The following SLC25A21 variants were observed in gnomAD, a reference collection of about 807,000 sequenced individuals.
SLC25A21 encodes the protein solute carrier family 25 member 21, also known as mitochondrial 2-oxodicarboxylate carrier.
A neutral mutation model predicts 43.8 loss-of-function variants in SLC25A21; 47 were observed. That is an observed-to-expected ratio of 1.07 (90% CI 0.85 to 1.37). The LOEUF is 1.37. SLC25A21 is among the 40% of genes most tolerant of loss of function. The probability of loss-of-function intolerance (pLI) is 0.00; values close to 1 mark genes in which losing one functional copy is unlikely to be tolerated. For synonymous variants in SLC25A21, 131 were observed against 121.3 expected (o/e 1.08, Z -0.52); for missense variants, 352 against 350.2 (o/e 1.00, Z -0.04).
chr14:36,940,511 T>C (rs1892530013), intron 1 of SLC25A21, among the ~76,000 whole-genome samples: 1 of 152,102 alleles, frequency 6.6e-6, no homozygotes, highest in Non-Finnish European at 1.5e-5. Flanking sequence ...AAAAAAGTGA[T>C]GTGTTGCCAG....
chr14:36,997,291 G>A (rs932615970), intron 1 of SLC25A21, among the ~76,000 whole-genome samples: 2 of 152,034 alleles, frequency 1.3e-5, no homozygotes, highest in Admixed American at 6.6e-5. Flanking sequence ...CTATGCTCCC[G>A]CGGAGCTATA....
At chr14:36,732,076 C>T (rs957438504) in intron 4 of SLC25A21, among the ~76,000 whole-genome samples, 2 of 152,278 alleles carry the variant, frequency 1.3e-5, no homozygotes, top group Admixed American at 1.3e-4. Context: ...TCTATCTCCA[C>T]CAGGAGTGGA....
At chr14:36,698,702 G>C (rs959978782) in intron 7 of SLC25A21, among the ~76,000 whole-genome samples, 1 of 151,804 alleles carries the variant, frequency 6.6e-6, no homozygotes, top group Admixed American at 6.6e-5. Flanking sequence ...CCACTTGATC[G>C]AATTGGCTAT....
intron 1 of SLC25A21, among the ~76,000 whole-genome samples, chr14:36,904,861 T>C (rs981464388): frequency 2.6e-5 from 4 of 152,142 alleles, no homozygotes; most frequent in Non-Finnish European, 5.9e-5. Context: ...GGGATTACAG[T>C]TCAAGATGAG....
At chr14:36,928,083 A>T (rs1388732012) in intron 1 of SLC25A21, among the ~76,000 whole-genome samples, 1 of 152,208 alleles carries the variant, frequency 6.6e-6, no homozygotes, top group African/African-American at 2.4e-5. Flanking sequence ...TTGGAGGCAC[A>T]GTAGAAGTCA....
rs549725948 is a variant in SLC25A21, at chr14:36,813,142, G to A, written c.203+776C>T. Among the ~76,000 whole-genome samples, 32 of 152,082 alleles carry A rather than the reference G, an allele frequency of 2.1e-4. 1 individual carries two copies. In the South Asian group the frequency reaches 6.5e-3, roughly 31 times the overall value. On this transcript the variant is annotated intron_variant, in intron 3 of 9. Coordinates refer to ENST00000331299, the MANE Select transcript of SLC25A21 (RefSeq NM_030631.4). Reference sequence around the variant, plus strand: ...CAGAACGTGCAGGTTTGTTACACATGCCATGGTGGTTTGCTGCACCCATCA... The same window carrying A: ...CAGAACGTGCAGGTTTGTTACACATACCATGGTGGTTTGCTGCACCCATCA...
intron 3 of SLC25A21, among the ~76,000 whole-genome samples, chr14:36,754,677 A>T (rs1885856615): frequency 6.6e-6 from 1 of 152,172 alleles, no homozygotes; most frequent in African/African-American, 2.4e-5. Flanking sequence ...CACTTGAAAG[A>T]ATTTCCAGAA....
intron 1 of SLC25A21, among the ~76,000 whole-genome samples, chr14:37,008,529 A>G (rs544936259): frequency 4.4e-4 from 67 of 152,306 alleles, no homozygotes; most frequent in African/African-American, 1.6e-3. Context: ...CTCCTCTATA[A>G]TAAATATTCA....
chr14:37,102,005 CAT>C (rs911982625), intron 1 of SLC25A21, among the ~76,000 whole-genome samples: 10 of 152,114 alleles, frequency 6.6e-5, no homozygotes, highest in East Asian at 3.8e-4. Flanking sequence ...TGCTGCATCA[CAT>C]GAGTTAATGA....
At chr14:37,076,322 A>T (rs533952830) in intron 1 of SLC25A21, among the ~76,000 whole-genome samples, 2 of 147,160 alleles carry the variant, frequency 1.4e-5, no homozygotes, top group African/African-American at 5.1e-5. Flanking sequence ...CACCAGGCCC[A>T]GCGAATTTTT....
intron 1 of SLC25A21, among the ~76,000 whole-genome samples, chr14:36,989,686 C>T (rs1369295858): frequency 6.6e-6 from 1 of 152,080 alleles, no homozygotes; most frequent in Non-Finnish European, 1.5e-5. Context: ...TTGGGAAACA[C>T]TGAGTCCTAA....
intron 1 of SLC25A21, among the ~76,000 whole-genome samples, chr14:37,132,675 G>C (rs1963410443): frequency 6.6e-6 from 1 of 150,978 alleles, no homozygotes; most frequent in Admixed American, 6.6e-5. Flanking sequence ...ATTTTCTCTG[G>C]CATTTTTCAG....
At chr14:36,783,961 T>C (rs1014644810) in intron 3 of SLC25A21, among the ~76,000 whole-genome samples, 18 of 152,316 alleles carry the variant, frequency 1.2e-4, no homozygotes, top group Middle Eastern at 3.4e-3. Flanking sequence ...CAAACTTGTA[T>C]TGCATTTCTG....
intron 1 of SLC25A21, among the ~76,000 whole-genome samples, chr14:36,893,190 C>T (rs1478473883): frequency 6.6e-6 from 1 of 152,142 alleles, no homozygotes; most frequent in African/African-American, 2.4e-5. Flanking sequence ...TCCTATTTCT[C>T]CACATCCTCT....
chr14:37,120,425 G>T (rs373467269), intron 1 of SLC25A21, among the ~76,000 whole-genome samples: 1 of 152,198 alleles, frequency 6.6e-6, no homozygotes, highest in Non-Finnish European at 1.5e-5. Context: ...GACCAAAGGG[G>T]ACTTACTTCA....
At chr14:37,111,535 T>C (rs1274892139) in intron 1 of SLC25A21, among the ~76,000 whole-genome samples, 1 of 152,194 alleles carries the variant, frequency 6.6e-6, no homozygotes, top group East Asian at 1.9e-4. Context: ...GTTTATTTTA[T>C]TATCATTCAC....
chr14:37,034,086 G>A (rs1003423451), intron 1 of SLC25A21, among the ~76,000 whole-genome samples: 29 of 151,542 alleles, frequency 1.9e-4, no homozygotes, highest in Admixed American at 2.6e-4. Flanking sequence ...GCGCAATCTC[G>A]GCCCACTGCA....
chr14:36,890,870 G>A (rs1891055360), intron 1 of SLC25A21, among the ~76,000 whole-genome samples: 1 of 152,098 alleles, frequency 6.6e-6, no homozygotes, highest in Non-Finnish European at 1.5e-5. Flanking sequence ...TACACTTTAA[G>A]TAGTCAATAT....
chr14:36,866,068 C>G (rs1356460545), intron 2 of SLC25A21, among the ~76,000 whole-genome samples: 2 of 152,034 alleles, frequency 1.3e-5, no homozygotes, highest in East Asian at 3.9e-4. Flanking sequence ...GCCCCCCACC[C>G]CACTTTCTCC....
Sources: gnomAD v4.1 joint callset for allele counts (sites outside exome capture counted in the v4.1 genomes callset) on GRCh38, gnomAD v4.1.1 for gene constraint, MANE v1.5 for transcripts, NCBI Gene and HGNC (gene_info 2026-07-23, HGNC 2026-07-21) for gene names.